The following KLK9 variants were observed in gnomAD, a reference collection of about 807,000 sequenced individuals.
KLK9 encodes kallikrein-9.
Under a neutral mutation model 23.3 loss-of-function variants are expected in KLK9, and 26 were observed. The ratio of observed to expected loss-of-function variants is 1.12; its 90% CI spans 0.82 to 1.55. KLK9 has a LOEUF of 1.55. Among genes scored for constraint, KLK9 ranks in the 40% most tolerant of loss-of-function variants. KLK9 has a pLI of 0.00. For synonymous variants in KLK9, 122 were observed against 128.5 expected, an observed-to-expected ratio of 0.95 and a Z score of 0.34; for missense variants, 346 against 333.7, an observed-to-expected ratio of 1.04 and a Z score of -0.29.
At position 51,006,865 on chromosome 19, in the gene KLK9, G is replaced by T. The variant is rs1201832419; in HGVS notation, c.201-142C>A. On this transcript the variant is annotated intron_variant, in intron 2 of 4. Transcript: ENST00000594211. The surrounding 1 kb of genome is among the most constrained non-coding windows in gnomAD (Gnocchi z 4.1). ...TCTGCACCCTCATCATCTATGTCTG[G>T]CCCAGGGTACTGTGATTTTAAGCGA... is the stretch of plus-strand genomic sequence containing the variant. The T allele has an allele frequency of 1.5e-5, 14 of 926,244 alleles. No homozygotes were observed. The highest frequency in any genetic ancestry group is 1.7e-5 in the Non-Finnish European group (11 of 639,408). The allele number at this position is 926,244 out of a possible 1,614,324, so 57.4% of individuals were successfully genotyped here.
chr19:51,008,021 T>C (rs965024566), intron 2 of KLK9, among the ~76,000 whole-genome samples: 1 of 152,034 alleles, frequency 6.6e-6, no homozygotes, highest in Non-Finnish European at 1.5e-5. Context: ...AGAATTTTAA[T>C]GTTCTAGGAC....
chr19:51,008,791 T>G (rs990906211), intron 2 of KLK9, among the ~76,000 whole-genome samples: 3 of 152,152 alleles, frequency 2.0e-5, no homozygotes, highest in East Asian at 1.9e-4. Context: ...CACCAGAAAT[T>G]TAAACTTACA....
Position 51,006,430 on chromosome 19 carries a change from T to G in KLK9, c.466+28A>C, listed in dbSNP as rs375424317. ...AGACAGAGGGGTGAGGGAGCAAGTT[T>G]CAGAGAGAGTTCTGGGCCAGGTCAT... On this transcript the variant is annotated intron_variant, in intron 3 of 4. Coordinates refer to ENST00000594211, the MANE Select transcript of KLK9 (RefSeq NM_012315.2). The surrounding 1 kb of genome is among the most constrained non-coding windows in gnomAD (Gnocchi z 4.1). 6.4e-7 allele frequency: 1 copy of G among 1,568,324 alleles called. No individual in the cohort carries two copies. The highest frequency in any genetic ancestry group is 8.7e-7 in the Non-Finnish European group (1 of 1,154,604).
chr19:51,003,008 G>A lies in KLK9; in HGVS notation c.*103C>T. Reference sequence around the variant, plus strand: ...CCAGAGGGGAGTCAGGGCAGCTGGAGGTCCAGGGCGGGAACCATTGAGGCT... The same window carrying A: ...CCAGAGGGGAGTCAGGGCAGCTGGAAGTCCAGGGCGGGAACCATTGAGGCT... On this transcript the variant is annotated 3_prime_UTR_variant, in exon 5 of 5. Transcript: ENST00000594211. The A allele has an allele frequency of 7.3e-7, 1 of 1,372,494 alleles. No homozygotes were observed. The highest frequency in any genetic ancestry group is 2.7e-4 in the Middle Eastern group (1 of 3,718). The allele number at this position is 1,372,494 out of a possible 1,614,324, so 85.0% of individuals were successfully genotyped here. A position where few individuals can be genotyped will look rare whatever the true frequency, so the allele number is the denominator to read the frequency against.
At position 51,003,250 on chromosome 19, in the gene KLK9, C is replaced by G. The variant is rs1397503954; in HGVS notation, c.614G>C (p.Gly205Ala). 1 of 1,612,324 alleles carries G rather than the reference C, an allele frequency of 6.2e-7. No individual in the cohort carries two copies. Among genetic ancestry groups the G allele is most frequent in the Non-Finnish European group, 8.5e-7 (1 of 1,179,398 alleles). ...GGTTCCATTGCAAACCAGGGGGCCC[C>G]CAGAGTCACCCTGTACGCGAGAGAA... ...GGRGSCQGDS[G>A]GPLVCNGTLA... The change falls in exon 5 of 5, where the codon GGG becomes GCG. Residue 205 changes from glycine (G) to alanine (A), a missense_variant. Transcript: ENST00000594211.
chr19:51,009,325 C>T lies in KLK9; in HGVS notation c.58G>A (p.Asp20Asn). ...TCCTCGGCCCCGATGGCACGGGTGT[C>T]TGCCCAGCCATGCCCTGGGGTGGGG... ...LSLLAGHGWA[D>N]TRAIGAEECR... The change falls in exon 2 of 5, where the codon GAC (aspartate) becomes AAC (asparagine). Residue 20 changes from aspartate to asparagine, a missense_variant. Transcript: ENST00000594211. The surrounding 1 kb of genome is among the most constrained non-coding windows in gnomAD (Gnocchi z 4.8). 3 of 1,587,504 alleles carry T rather than the reference C, an allele frequency of 1.9e-6. No homozygotes were observed. Among genetic ancestry groups the T allele is most frequent in the South Asian group, 1.2e-5 (1 of 86,318 alleles).
Position 51,003,685 on chromosome 19 carries a change from C to A in KLK9, c.603+19G>T. On this transcript the variant is annotated intron_variant, in intron 4 of 4. Transcript: ENST00000594211. ...AAACTTGGCAGGACAGCCTCATTTT[C>A]CCCAGAGTAAGGTCTCACCTGGCAG... is the stretch of plus-strand genomic sequence containing the variant. 1 of 1,599,818 alleles carries A rather than the reference C, an allele frequency of 6.3e-7. No homozygotes were observed. The highest frequency in any genetic ancestry group is 8.5e-7 in the Non-Finnish European group (1 of 1,172,278).
rs1405025894 is a variant in KLK9 at position 51,006,386 on chromosome 19, G to A, written c.466+72C>T. ...AGAGAGAGGAGAGAGAAAAGGAGAA[G>A]ACAGAGATGAAAAGGCAGAGACAGA... On this transcript the variant is annotated intron_variant, in intron 3 of 4. Coordinates refer to ENST00000594211, the MANE Select transcript of KLK9 (RefSeq NM_012315.2). The surrounding 1 kb of genome is among the most constrained non-coding windows in gnomAD (Gnocchi z 4.1). 1 of 1,370,642 alleles carries A rather than the reference G, an allele frequency of 7.3e-7. No individual in the cohort carries two copies. 84.9% of individuals were successfully genotyped at this position (1,370,642 alleles called of 1,614,324 possible). A position where few individuals can be genotyped will look rare whatever the true frequency, so the allele number is the denominator to read the frequency against.
rs567790178 is a variant in KLK9 at position 51,003,677 on chromosome 19, C to A, written c.603+27G>T. ...ATCCTAGAAAACTTGGCAGGACAGC[C>A]TCATTTTCCCCAGAGTAAGGTCTCA... On this transcript the variant is annotated intron_variant, in intron 4 of 4. Transcript: ENST00000594211. The A allele has an allele frequency of 8.2e-6, 13 of 1,594,930 alleles. 1 individual carries two copies. In the South Asian group the frequency reaches 1.5e-4, roughly 18 times the overall value.
intron 3 of KLK9, among the ~76,000 whole-genome samples, chr19:51,004,864 T>C (rs933212095): frequency 6.6e-6 from 1 of 152,100 alleles, no homozygotes; most frequent in Non-Finnish European, 1.5e-5. Context: ...GATGTGGATA[T>C]GGATATATAA....
Position 51,006,683 on chromosome 19 carries a change from A to T in KLK9, c.241T>A (p.Trp81Arg), listed in dbSNP as rs1398546777. The T allele has an allele frequency of 1.2e-6, 2 of 1,607,726 alleles. No homozygotes were observed. The highest frequency in any genetic ancestry group is 2.2e-5 in the East Asian group (1 of 44,856). ...VRLGEHHLWK[W>R]EGPEQLFRVT... is the part of the protein sequence containing the mutation. ...CGGAACAGCTGCTCCGGACCCTCCC[A>T]TTTCCAGAGGTGGTGCTCTCCAAGG... Residue 81 changes from tryptophan to arginine, a missense_variant, in exon 3 of 5, where the codon TGG becomes AGG. Coordinates refer to ENST00000594211, the MANE Select transcript of KLK9 (RefSeq NM_012315.2). This position sits in a 1 kb window ranked among gnomAD's most constrained non-coding sequence, Gnocchi z 4.1.
chr19:51,008,337 C>CAAAAAA (rs34275672), intron 2 of KLK9, among the ~76,000 whole-genome samples: 11 of 71,700 alleles, frequency 1.5e-4, no homozygotes, highest in African/African-American at 3.3e-4. Flanking sequence ...GACTCTGTCT[C>CAAAAAA]AAAAAAAAAA....
rs1376997734 is a variant in KLK9 at position 51,003,087 on chromosome 19, A to C, written c.*24T>G. The C allele has an allele frequency of 6.3e-7, 1 of 1,593,740 alleles. No homozygotes were observed. The highest frequency in any genetic ancestry group is 1.3e-5 in the African/African-American group (1 of 74,560). On this transcript the variant is annotated 3_prime_UTR_variant, in exon 5 of 5. Transcript: ENST00000594211. ...GCCCTTCGGCCTCTCTTGGTCTTCC[A>C]AGGTGCCCCCGTGGCGCGCGGGCTC...
intron 4 of KLK9, 91 bp downstream of exon 4, chr19:51,003,613 A>G (rs2091243904): frequency 8.7e-7 from 1 of 1,148,008 alleles, no homozygotes; most frequent in Non-Finnish European, 1.3e-6. Flanking sequence ...TCTCATTTTG[A>G]CCCAGGAAGG....
rs1305496439 is a variant in KLK9 at position 51,006,254 on chromosome 19, CCTT to C, written c.466+201_466+203del. On this transcript the variant is annotated intron_variant, in intron 3 of 4. Transcript: ENST00000594211. The surrounding 1 kb of genome is among the most constrained non-coding windows in gnomAD (Gnocchi z 4.1). ...CTCCTTTTTTTCTTCTCCTCCTCCT[CCTT>C]CTTCCACTTCTTCGCAGTTCATGAA... 6.6e-6 allele frequency among the ~76,000 whole-genome samples: 1 copy of C among 151,894 alleles called. No individual in the cohort carries two copies. Among genetic ancestry groups the C allele is most frequent in the African/African-American group, 2.4e-5 (1 of 41,386 alleles).
chr19:51,005,845 A>C (rs1427833247), intron 3 of KLK9, among the ~76,000 whole-genome samples: 1 of 151,546 alleles, frequency 6.6e-6, no homozygotes, highest in Admixed American at 6.6e-5. Flanking sequence ...TTGGGAGTCC[A>C]AGGCGGGCAG....
intron 2 of KLK9, among the ~76,000 whole-genome samples, chr19:51,007,540 C>T (rs2091260471): frequency 6.6e-6 from 1 of 151,872 alleles, no homozygotes; most frequent in African/African-American, 2.4e-5. Flanking sequence ...CTTCATCCCC[C>T]TACCCTTCCC....
At position 51,005,905 on chromosome 19, in the gene KLK9, C is replaced by G. The variant is rs560139674; in HGVS notation, c.466+553G>C. On this transcript the variant is annotated intron_variant, in intron 3 of 4. Coordinates refer to ENST00000594211, the MANE Select transcript of KLK9 (RefSeq NM_012315.2). ...CAGCCTGGCCAATATGGTGAAACCT[C>G]TGTCTCTACTAAAAATACAAAAAAA... 8.3e-4 allele frequency among the ~76,000 whole-genome samples: 125 copies of G among 150,724 alleles called. 3 individuals carry two copies. Among genetic ancestry groups the G allele is most frequent in the Non-Finnish European group, 1.4e-3 (93 of 67,632 alleles).
In KLK9 at chr19:51,009,110, C is replaced by T. The variant is rs554109413; in HGVS notation, c.200+73G>A. The T allele has an allele frequency of 1.3e-6, 2 of 1,519,332 alleles. No homozygotes were observed. Among genetic ancestry groups the T allele is most frequent in the African/African-American group, 1.4e-5 (1 of 72,720 alleles). 94.1% of individuals were successfully genotyped at this position (1,519,332 alleles called of 1,614,324 possible). On this transcript the variant is annotated intron_variant, in intron 2 of 4. Coordinates refer to ENST00000594211, the MANE Select transcript of KLK9 (RefSeq NM_012315.2). The surrounding 1 kb of genome is among the most constrained non-coding windows in gnomAD (Gnocchi z 4.8). ...GAAGTGGAGGCTCCGCACTTCTGGCCTAAAGCACCCCTCACCCTCTCCTGA... is the reference window on the plus strand; with the variant it reads ...GAAGTGGAGGCTCCGCACTTCTGGCTTAAAGCACCCCTCACCCTCTCCTGA...
Sources: allele counts gnomAD v4.1 joint callset (sites outside exome capture counted in the v4.1 genomes callset), GRCh38; gene constraint gnomAD v4.1.1; non-coding constraint Gnocchi (gnomAD v3.1); transcripts MANE v1.5; gene names NCBI Gene and HGNC (gene_info 2026-07-23, HGNC 2026-07-21).